Variants in PTPRM observed in about 807,000 individuals in gnomAD.
PTPRM encodes the protein protein tyrosine phosphatase receptor type M.
In PTPRM, 47 loss-of-function variants were observed where a neutral mutation model predicts 186.7. The observed-to-expected ratio is 0.25, with a 90% confidence interval of 0.20 to 0.32. PTPRM has a LOEUF of 0.32. Among genes scored for constraint, PTPRM ranks in the 10% least tolerant of loss-of-function variants. The probability of loss-of-function intolerance (pLI) is 1.00; values close to 1 mark genes in which losing one functional copy is unlikely to be tolerated. For missense variants in PTPRM, 1,494 were observed against 1,865.0 expected, an observed-to-expected ratio of 0.80 and a Z score of 3.66; for synonymous variants, 668 against 674.9, an observed-to-expected ratio of 0.99 and a Z score of 0.16.
chr18:8,190,809 G>A (rs28607222), intron 14 of PTPRM, among the ~76,000 whole-genome samples: 4,768 of 152,170 alleles, frequency 0.031, 261 homozygotes, highest in African/African-American at 0.11. Context: ...AATATATGTG[G>A]GGAAATACAA....
At chr18:7,619,027 A>G (rs2037874764) in intron 1 of PTPRM, among the ~76,000 whole-genome samples, 1 of 152,164 alleles carries the variant, frequency 6.6e-6, no homozygotes, top group Admixed American at 6.5e-5. Context: ...TTTACTTAGC[A>G]GTTTGAATAG....
chr18:8,194,305 A>G (rs1351544926), intron 14 of PTPRM, among the ~76,000 whole-genome samples: 2 of 152,220 alleles, frequency 1.3e-5, no homozygotes, highest in Non-Finnish European at 2.9e-5. Context: ...GTGGTAGCTT[A>G]TGGTAGCTGA....
chr18:8,120,517 G>A (rs902939213), intron 13 of PTPRM, among the ~76,000 whole-genome samples: 4 of 137,152 alleles, frequency 2.9e-5, no homozygotes, highest in African/African-American at 1.1e-4. Flanking sequence ...TCTTGAGACA[G>A]TGTCTTCCTC....
At chr18:7,904,575 A>C (rs2049878116) in intron 3 of PTPRM, among the ~76,000 whole-genome samples, 2 of 152,218 alleles carry the variant, frequency 1.3e-5, no homozygotes, top group African/African-American at 4.8e-5. Flanking sequence ...AAGTTCACCC[A>C]AGTTGTTAGG....
At chr18:8,284,647 T>C (rs2094937084) in intron 19 of PTPRM, among the ~76,000 whole-genome samples, 1 of 151,986 alleles carries the variant, frequency 6.6e-6, no homozygotes, top group Non-Finnish European at 1.5e-5. Context: ...CTACTCAGGC[T>C]CAGGAGGCTG....
chr18:8,014,631 A>G (rs2084746285), intron 7 of PTPRM, among the ~76,000 whole-genome samples: 1 of 152,224 alleles, frequency 6.6e-6, no homozygotes. Flanking sequence ...AAATAGATCT[A>G]AATACAAAGG....
chr18:7,784,916 G>C (rs2043027158), intron 2 of PTPRM, among the ~76,000 whole-genome samples: 1 of 152,174 alleles, frequency 6.6e-6, no homozygotes, highest in African/African-American at 2.4e-5. Flanking sequence ...CCCAGTTGGA[G>C]GCCATGGGGT....
intron 1 of PTPRM, among the ~76,000 whole-genome samples, chr18:7,638,067 A>G (rs912728963): frequency 1.2e-4 from 19 of 152,164 alleles, no homozygotes; most frequent in African/African-American, 4.6e-4. Context: ...TTGAGGGTGA[A>G]TGAAAAACCA....
At chr18:8,104,382 T>A (rs147240931) in intron 11 of PTPRM, among the ~76,000 whole-genome samples, 1 of 152,198 alleles carries the variant, frequency 6.6e-6, no homozygotes, top group East Asian at 1.9e-4. Context: ...TGCAATACTT[T>A]TGTATTCTTC....
chr18:8,331,384 A>G (rs2095411448), intron 22 of PTPRM, among the ~76,000 whole-genome samples: 1 of 152,190 alleles, frequency 6.6e-6, no homozygotes, highest in South Asian at 2.1e-4. Flanking sequence ...ACTTGTTCTT[A>G]AAATTTCTTC....
intron 5 of PTPRM, among the ~76,000 whole-genome samples, chr18:7,936,806 C>T (rs2051844142): frequency 6.6e-6 from 1 of 152,190 alleles, no homozygotes; most frequent in South Asian, 2.1e-4. Flanking sequence ...CACTTCCTCC[C>T]CTCTGAAGCC....
chr18:8,225,043 A>G (rs2094197378), intron 14 of PTPRM, among the ~76,000 whole-genome samples: 1 of 152,176 alleles, frequency 6.6e-6, no homozygotes, highest in Non-Finnish European at 1.5e-5. Flanking sequence ...TTTTTAAGCT[A>G]CTGGTGATGA....
intron 1 of PTPRM, among the ~76,000 whole-genome samples, chr18:7,667,900 C>CGA (rs35019331): frequency 0.033 from 4,977 of 152,222 alleles, 124 homozygotes; most frequent in Middle Eastern, 0.062. Context: ...AATGAGAACT[C>CGA]AGAAAATTAG....
intron 1 of PTPRM, among the ~76,000 whole-genome samples, chr18:7,596,191 C>G (rs760381942): frequency 5.9e-5 from 9 of 152,108 alleles, no homozygotes; most frequent in Non-Finnish European, 1.3e-4. Flanking sequence ...CACTGTCATA[C>G]GGTGACAGTT....
intron 10 of PTPRM, 25 bp downstream of exon 10, chr18:8,085,897 C>G: frequency 6.3e-7 from 1 of 1,596,614 alleles, no homozygotes; most frequent in South Asian, 1.1e-5. Context: ...TGAGTTGTGT[C>G]TTTTATCAGA....
intron 1 of PTPRM, among the ~76,000 whole-genome samples, chr18:7,726,622 C>T (rs2040554686): frequency 6.6e-6 from 1 of 152,136 alleles, no homozygotes; most frequent in African/African-American, 2.4e-5. Flanking sequence ...CTCAGTTGAG[C>T]CTCATATTTT....
At chr18:8,189,191 G>A (rs1325091170) in intron 14 of PTPRM, among the ~76,000 whole-genome samples, 1 of 151,776 alleles carries the variant, frequency 6.6e-6, no homozygotes, top group Non-Finnish European at 1.5e-5. Flanking sequence ...CAGCTACTCA[G>A]GAGGCTGAGG....
intron 1 of PTPRM, among the ~76,000 whole-genome samples, chr18:7,656,485 A>C (rs964030810): frequency 3.9e-5 from 6 of 152,112 alleles, no homozygotes; most frequent in African/African-American, 1.4e-4. Context: ...TTTTGCGGGG[A>C]TGAAAAGAGT....
chr18:7,712,629 T>C (rs936149059), intron 1 of PTPRM, among the ~76,000 whole-genome samples: 1 of 151,760 alleles, frequency 6.6e-6, no homozygotes, highest in African/African-American at 2.4e-5. Flanking sequence ...TGAAAAAAGG[T>C]TAGAGGAATT....
Sources: allele counts gnomAD v4.1 joint callset (sites outside exome capture counted in the v4.1 genomes callset), GRCh38; gene constraint gnomAD v4.1.1; transcripts MANE v1.5; gene names NCBI Gene and HGNC (gene_info 2026-07-23, HGNC 2026-07-21).